Variants in BRWD3 observed in about 807,000 individuals in gnomAD.
BRWD3 encodes the protein bromodomain and WD repeat-containing protein 3.
In BRWD3, 10 loss-of-function variants were observed where a neutral mutation model predicts 149.7. The ratio of observed to expected loss-of-function variants is 0.07; its 90% confidence interval spans 0.04 to 0.11. The LOEUF is 0.11. Among genes scored for constraint, BRWD3 ranks in the 10% least tolerant of loss-of-function variants. The probability of loss-of-function intolerance (pLI) is 1.00; values close to 1 mark genes in which losing one functional copy is unlikely to be tolerated. For synonymous variants in BRWD3, 504 were observed against 456.7 expected, an observed-to-expected ratio of 1.10 and a Z score of -1.32; for missense variants, 940 against 1,373.2, an observed-to-expected ratio of 0.68 and a Z score of 4.99.
At chrX:80,753,882 T>C (rs1399828024) in intron 6 of BRWD3, among the ~76,000 whole-genome samples, 2 of 111,577 alleles carry the variant, frequency 1.8e-5, no homozygotes, top group African/African-American at 3.3e-5. Flanking sequence ...TTGGTCTGTT[T>C]GTCTATTTTT....
chrX:80,769,688 G>A (rs1367232894), intron 6 of BRWD3, among the ~76,000 whole-genome samples: 2 of 109,234 alleles, frequency 1.8e-5, no homozygotes, highest in African/African-American at 6.7e-5. Context: ...AAGAACTAGA[G>A]AAGCCAAGAG....
At chrX:80,795,439 A>T (rs1211625315) in intron 4 of BRWD3, among the ~76,000 whole-genome samples, 1 of 109,698 alleles carries the variant, frequency 9.1e-6, no homozygotes, top group East Asian at 2.9e-4. Context: ...GTATATATAC[A>T]CGTATATGTA....
intron 21 of BRWD3, among the ~76,000 whole-genome samples, chrX:80,708,199 C>G (rs899480733): frequency 9.1e-6 from 1 of 110,057 alleles, no homozygotes; most frequent in South Asian, 3.9e-4. Context: ...AGTTCGAGAC[C>G]AGCCTGACCA....
intron 6 of BRWD3, among the ~76,000 whole-genome samples, chrX:80,773,056 G>A (rs781001197): frequency 4.5e-5 from 5 of 112,138 alleles, no homozygotes; most frequent in African/African-American, 1.6e-4. Flanking sequence ...ACAGATTAGT[G>A]ATTGACAAGA....
At chrX:80,700,100 T>A in intron 24 of BRWD3, 36 bp from the exon 25 acceptor site, 1 of 1,033,417 alleles carries the variant, frequency 9.7e-7, no homozygotes, top group Non-Finnish European at 1.4e-6. Context: ...AACAGCAGCA[T>A]CCTATATAAC....
At chrX:80,736,661 C>T (rs1203697691) in intron 8 of BRWD3, among the ~76,000 whole-genome samples, 1 of 108,745 alleles carries the variant, frequency 9.2e-6, no homozygotes, top group East Asian at 2.9e-4. Context: ...AATCGTTATT[C>T]GTATCATATC....
At position 80,736,069 on chromosome X, in the gene BRWD3, C is replaced by T; in HGVS notation, c.833G>A (p.Gly278Asp). 1 of 1,183,952 alleles carries T rather than the reference C, an allele frequency of 8.4e-7. No individual in the cohort carries two copies. Among genetic ancestry groups the T allele is most frequent in the Non-Finnish European group, 1.1e-6 (1 of 877,455 alleles). The change falls in exon 9 of 41, where the codon GGC becomes GAC. Residue 278 changes from glycine (G) to aspartate (D), a missense_variant. Physicochemically the swap from Gly to Asp is moderately conservative, Grantham distance 94. Coordinates refer to ENST00000373275, the MANE Select transcript of BRWD3 (RefSeq NM_153252.5). ...TSIQFCPSTK[G>D]TNRYLTSTGA... ...AGTAGAAGTGAGGTATCTGTTTGTG[C>T]CTTTAGTTGATGGACAAAACTTAAA...
intron 8 of BRWD3, among the ~76,000 whole-genome samples, chrX:80,740,968 G>C (rs1050710054): frequency 9.0e-6 from 1 of 111,001 alleles, no homozygotes; most frequent in Admixed American, 9.6e-5. Flanking sequence ...ATGCAGGTTT[G>C]TTACATACGT....
Position 80,736,008 on chromosome X carries a change from A to G in BRWD3, c.894T>C (p.His298=), listed in dbSNP as rs201777490. Residue 298 remains histidine (H), a synonymous_variant, in exon 9 of 41, where the codon CAT becomes CAC. Coordinates refer to ENST00000373275, the MANE Select transcript of BRWD3 (RefSeq NM_153252.5). ...ADGTICFWQW[H]VKTMKFRDRP... ...CTTACCTAAACTTCATTGTTTTTAC[A>G]TGCCATTGCCAGAAACAGATTGTTC... The G allele has an allele frequency of 4.2e-6, 5 of 1,203,284 alleles. No homozygotes were observed.
intron 4 of BRWD3, among the ~76,000 whole-genome samples, chrX:80,807,731 TG>T (rs1272959991): frequency 3.6e-5 from 4 of 111,961 alleles, no homozygotes; most frequent in African/African-American, 1.3e-4. Context: ...CCAATGCCTT[TG>T]GTCCTTCACT....
intron 19 of BRWD3, chrX:80,717,080 A>G (rs1368703711): frequency 8.6e-6 from 1 of 115,976 alleles, no homozygotes; most frequent in East Asian, 2.7e-4. Context: ...GAAAGTTATT[A>G]TTACAGCAAA....
At chrX:80,718,355 C>A (rs2073101526) in intron 18 of BRWD3, among the ~76,000 whole-genome samples, 1 of 112,020 alleles carries the variant, frequency 8.9e-6, no homozygotes, top group Non-Finnish European at 1.9e-5. Flanking sequence ...AAACATCCAA[C>A]TGTTAAATGT....
intron 36 of BRWD3, among the ~76,000 whole-genome samples, chrX:80,685,031 T>C (rs756956915): frequency 1.8e-5 from 2 of 110,326 alleles, no homozygotes; most frequent in East Asian, 5.6e-4. Context: ...TCTAAATATA[T>C]CTTATTTTCT....
intron 6 of BRWD3, among the ~76,000 whole-genome samples, chrX:80,753,306 G>A (rs2073695020): frequency 9.8e-6 from 1 of 101,982 alleles, no homozygotes; most frequent in African/African-American, 3.7e-5. Context: ...AGTTTCACTC[G>A]TCACCCAGGC....
chrX:80,710,458 T>A, intron 20 of BRWD3: 1 of 354,049 alleles, frequency 2.8e-6, no homozygotes, highest in Non-Finnish European at 5.3e-6. Context: ...ATTTATGGAA[T>A]ACAATTTAAA....
chrX:80,791,041 ATT>A (rs2074176622), intron 6 of BRWD3, among the ~76,000 whole-genome samples: 1 of 112,125 alleles, frequency 8.9e-6, no homozygotes, highest in South Asian at 3.6e-4. Flanking sequence ...CTAATCAATG[ATT>A]TTGTCTAAAT....
intron 6 of BRWD3, among the ~76,000 whole-genome samples, chrX:80,780,737 G>GT (rs1471940865): frequency 1.8e-5 from 2 of 112,056 alleles, no homozygotes; most frequent in East Asian, 5.6e-4. Flanking sequence ...GAGGAAGGTG[G>GT]TAAGTAGAGT....
At chrX:80,698,207 C>A (rs2072729312) in intron 25 of BRWD3, among the ~76,000 whole-genome samples, 1 of 111,730 alleles carries the variant, frequency 9.0e-6, no homozygotes, top group African/African-American at 3.3e-5. Flanking sequence ...TGGATATGAT[C>A]TTACAATAAT....
At chrX:80,798,163 T>C (rs1484437486) in intron 4 of BRWD3, among the ~76,000 whole-genome samples, 1 of 111,591 alleles carries the variant, frequency 9.0e-6, no homozygotes, top group Non-Finnish European at 1.9e-5. Flanking sequence ...ACAGATTTGA[T>C]CAAAATAATG....
Sources: gnomAD v4.1 joint callset for allele counts (sites outside exome capture counted in the v4.1 genomes callset) on GRCh38, gnomAD v4.1.1 for gene constraint, MANE v1.5 for transcripts, NCBI Gene and HGNC (gene_info 2026-07-23, HGNC 2026-07-21) for gene names.